Variants in MAST3 observed in about 807,000 individuals in gnomAD.
The protein encoded by MAST3 is microtubule associated serine/threonine kinase 3, also known as microtubule-associated serine/threonine-protein kinase 3.
In MAST3, 43 loss-of-function variants were observed where a neutral mutation model predicts 127.0. The ratio of observed to expected loss-of-function variants is 0.34; its 90% CI spans 0.27 to 0.44. The LOEUF is 0.44. Ranked by LOEUF, MAST3 falls within the 20% of genes least tolerant of loss-of-function variation. The pLI, the probability that MAST3 is intolerant of heterozygous loss-of-function variation, is 1.00. For synonymous variants in MAST3, 785 were observed against 809.2 expected, an observed-to-expected ratio of 0.97 and a Z score of 0.51; for missense variants, 1,390 against 1,919.1, an observed-to-expected ratio of 0.72 and a Z score of 5.15.
Position 18,147,054 on chromosome 19 carries a change from G to C in MAST3, c.3326+10G>C, listed in dbSNP as rs759640260. 56 of 1,527,822 alleles carry C rather than the reference G, an allele frequency of 3.7e-5. No homozygotes were observed. The highest frequency in any genetic ancestry group is 4.1e-5 in the Non-Finnish European group (47 of 1,139,114). The allele number at this position is 1,527,822 out of a possible 1,614,324, so 94.6% of individuals were successfully genotyped here. On this transcript the variant is annotated intron_variant, in intron 26 of 27. Coordinates refer to ENST00000687212, the MANE Select transcript of MAST3 (RefSeq NM_001393504.1). ...TGACCACCAGGGAGCGGTACACAGG[G>C]GGCGGGGCCACGGGGACTGGGGTTC...
In MAST3 at chr19:18,135,853, G is replaced by C. The variant is rs2041838591; in HGVS notation, c.1972+12G>C. On this transcript the variant is annotated intron_variant, in intron 18 of 27. Coordinates refer to ENST00000687212, the MANE Select transcript of MAST3 (RefSeq NM_001393504.1). Reference sequence around the variant, plus strand: ...CCGTCTGGGCACTGGTATGTAGTGTGGGGGAGAACCCAGGTGGGTGGCTCC... The same window carrying C: ...CCGTCTGGGCACTGGTATGTAGTGTCGGGGAGAACCCAGGTGGGTGGCTCC... 5 of 1,587,470 alleles carry C rather than the reference G, an allele frequency of 3.1e-6. No individual in the cohort carries two copies. The highest frequency in any genetic ancestry group is 4.3e-6 in the Non-Finnish European group (5 of 1,163,994).
At chr19:18,133,579 G>T (rs2041564867) in intron 15 of MAST3, among the ~76,000 whole-genome samples, 1 of 112,306 alleles carries the variant, frequency 8.9e-6, no homozygotes, top group African/African-American at 3.5e-5. Flanking sequence ...TTTTGAGACG[G>T]GGTCTCACTC....
intron 3 of MAST3, among the ~76,000 whole-genome samples, chr19:18,119,866 C>T (rs2039754848): frequency 6.6e-6 from 1 of 152,214 alleles, no homozygotes; most frequent in Non-Finnish European, 1.5e-5. Flanking sequence ...CTGCCTGGGA[C>T]CCCATTTCTG....
chr19:18,139,707 C>T (rs560657602), intron 20 of MAST3, among the ~76,000 whole-genome samples: 3 of 152,164 alleles, frequency 2.0e-5, no homozygotes, highest in Non-Finnish European at 4.4e-5. Context: ...ATGATCTGCC[C>T]GCCTCGGCCT....
chr19:18,104,179 C>CAAAAAAAAAAAAAA (rs56347763), intron 1 of MAST3, among the ~76,000 whole-genome samples: 2 of 43,484 alleles, frequency 4.6e-5, no homozygotes, highest in African/African-American at 1.1e-4. Flanking sequence ...GACGCTGTCT[C>CAAAAAAAAAAAAAA]AAAAAAAAAA....
At position 18,144,743 on chromosome 19, in the gene MAST3, C is replaced by T. The variant is rs1361373422; in HGVS notation, c.2812+50C>T. On this transcript the variant is annotated intron_variant, in intron 23 of 27. Transcript: ENST00000687212. The surrounding 1 kb of genome is among the most constrained non-coding windows in gnomAD (Gnocchi z 4.0). The stretch of plus-strand genomic sequence containing the variant: ...TTTGTCTGTCTGCACCCATTTTCAC[C>T]AACAGGGTGGGGGCCCTTCCTGAGT... 1.9e-6 allele frequency: 3 copies of T among 1,581,804 alleles called. No individual in the cohort carries two copies. Among genetic ancestry groups the T allele is most frequent in the Non-Finnish European group, 2.6e-6 (3 of 1,163,272 alleles).
chr19:18,105,393 G>A lies in MAST3; in HGVS notation c.40-2194G>A, dbSNP rs60504197. On this transcript the variant is annotated intron_variant, in intron 1 of 27. Coordinates refer to ENST00000687212, the MANE Select transcript of MAST3 (RefSeq NM_001393504.1). The stretch of plus-strand genomic sequence containing the variant: ...CAAACAAACAAACAAACAAAAAACT[G>A]GTTTTTTGGCCAGGCATGGTGGCTT... 7.3e-5 allele frequency among the ~76,000 whole-genome samples: 11 copies of A among 151,334 alleles called. No homozygotes were observed. The South Asian group carries it at 2.3e-3, about 32-fold the overall frequency.
chr19:18,108,858 C>CA (rs1346756015), intron 2 of MAST3, among the ~76,000 whole-genome samples: 5 of 152,096 alleles, frequency 3.3e-5, no homozygotes, highest in Non-Finnish European at 1.5e-5. Flanking sequence ...GGGAATCACT[C>CA]AATGAACATT....
At chr19:18,124,938 C>CT (rs1555798780) in intron 11 of MAST3, among the ~76,000 whole-genome samples, 164 bp downstream of exon 11, 1 of 135,982 alleles carries the variant, frequency 7.4e-6, no homozygotes, top group Non-Finnish European at 1.6e-5. Flanking sequence ...GAAACCCCCC[C>CT]CCTACTAAAA....
chr19:18,110,198 C>T lies in MAST3; in HGVS notation c.72-454C>T. ...CCCGCGTCTAGTCTGCCGCACCAGC[C>T]AGGCGTCTGTCCCTGCGTCCGTGTG... On this transcript the variant is annotated intron_variant, in intron 2 of 27. Transcript: ENST00000687212. The surrounding 1 kb of genome is among the most constrained non-coding windows in gnomAD (Gnocchi z 4.3). 2 of 985,476 alleles carry T rather than the reference C, an allele frequency of 2.0e-6. No individual in the cohort carries two copies. Among genetic ancestry groups the T allele is most frequent in the Non-Finnish European group, 1.2e-6 (1 of 829,960 alleles). The allele number at this position is 985,476 out of a possible 1,614,324, so 61.0% of individuals were successfully genotyped here.
At chr19:18,143,156 G>A (rs543048548) in intron 21 of MAST3, among the ~76,000 whole-genome samples, 2 of 151,936 alleles carry the variant, frequency 1.3e-5, no homozygotes, top group East Asian at 3.9e-4. Flanking sequence ...CAGAGATGGG[G>A]TCTCCTTATG....
chr19:18,107,787 C>T (rs1191080126), intron 2 of MAST3, among the ~76,000 whole-genome samples, 169 bp downstream of exon 2: 1 of 152,186 alleles, frequency 6.6e-6, no homozygotes, highest in East Asian at 1.9e-4. Context: ...TGGCCTCTCA[C>T]CACAAACATG....
Position 18,150,804 on chromosome 19 carries a change from G to T in MAST3, c.*1078G>T, listed in dbSNP as rs1311807503. ...GGGCAGAGGGGTCATCCGCTCCCCA[G>T]GTGGGCACTGATAAAGGAAGGTACA... is the stretch of plus-strand genomic sequence containing the variant. On this transcript the variant is annotated 3_prime_UTR_variant, in exon 28 of 28. Coordinates refer to ENST00000687212, the MANE Select transcript of MAST3 (RefSeq NM_001393504.1). 6.6e-6 allele frequency: 1 copy of T among 152,270 alleles called. No individual in the cohort carries two copies. The highest frequency in any genetic ancestry group is 1.5e-5 in the Non-Finnish European group (1 of 68,066). The allele number at this position is 152,270 out of a possible 1,614,324, so 9.4% of individuals were successfully genotyped here.
At position 18,124,719 on chromosome 19, in the gene MAST3, T is replaced by C; in HGVS notation, c.1023T>C (p.Thr341=). The part of the protein sequence containing the change: ...GHAREGQGIK[T]DLPQYIIGQL... ...CGCGGGAGGGCCAAGGCATTAAGAC[T>C]GACCTTCCACAGTACATCATTGGGC... The change falls in exon 11 of 28, where the codon ACT becomes ACC. Residue 341 remains threonine (T), a synonymous_variant. Transcript: ENST00000687212. The C allele has an allele frequency of 6.2e-7, 1 of 1,611,622 alleles. No homozygotes were observed. Among genetic ancestry groups the C allele is most frequent in the South Asian group, 1.1e-5 (1 of 90,974 alleles).
intron 1 of MAST3, among the ~76,000 whole-genome samples, chr19:18,107,134 T>A (rs542154955): frequency 8.6e-4 from 130 of 151,958 alleles, no homozygotes; most frequent in African/African-American, 2.4e-3. Flanking sequence ...CTAATTTTTT[T>A]AAAAAGTTTT....
intron 20 of MAST3, among the ~76,000 whole-genome samples, chr19:18,141,377 C>CTTTCTTTTT (rs60206673): frequency 0.012 from 1,420 of 122,738 alleles, 25 homozygotes; most frequent in South Asian, 0.019. Context: ...AGCCAGCTTT[C>CTTTCTTTTT]TTTTTTTTTT....
At chr19:18,114,687 G>C (rs2039018504) in intron 3 of MAST3, among the ~76,000 whole-genome samples, 1 of 152,184 alleles carries the variant, frequency 6.6e-6, no homozygotes, top group Non-Finnish European at 1.5e-5. Context: ...TGGGAGGGCT[G>C]TCCTTGTGGT....
chr19:18,098,205 T>C (rs2037167379), intron 1 of MAST3, among the ~76,000 whole-genome samples: 1 of 152,128 alleles, frequency 6.6e-6, no homozygotes, highest in Non-Finnish European at 1.5e-5. Flanking sequence ...TATGAGTTCA[T>C]ATGTATTAAT....
chr19:18,125,542 A>C lies in MAST3; in HGVS notation c.1078+768A>C, dbSNP rs1234995589. 6.6e-5 allele frequency among the ~76,000 whole-genome samples: 10 copies of C among 151,050 alleles called. 1 individual carries two copies. The highest frequency in any genetic ancestry group is 6.6e-4 in the Admixed American group (10 of 15,114). ...TGGATCACAAGGTCAGGAGTTCAAG[A>C]CCAGCCAGGACAACATGGTGAAACC... On this transcript the variant is annotated intron_variant, in intron 11 of 27. Transcript: ENST00000687212.
Sources: allele counts gnomAD v4.1 joint callset (sites outside exome capture counted in the v4.1 genomes callset), GRCh38; gene constraint gnomAD v4.1.1; non-coding constraint Gnocchi (gnomAD v3.1); transcripts MANE v1.5; gene names NCBI Gene and HGNC (gene_info 2026-07-23, HGNC 2026-07-21).